Variants in L3MBTL3 observed in about 807,000 individuals in gnomAD.
L3MBTL3 encodes L3MBTL histone methyl-lysine binding protein 3.
A neutral mutation model predicts 102.3 loss-of-function variants in L3MBTL3; 27 were observed. That is an observed-to-expected ratio of 0.26 (90% CI 0.19 to 0.36). The LOEUF is 0.36. L3MBTL3 is among the 10% of genes least tolerant of loss of function. The pLI is 1.00. For synonymous variants in L3MBTL3, 340 were observed against 320.9 expected, an observed-to-expected ratio of 1.06 and a Z score of -0.64; for missense variants, 798 against 955.3, an observed-to-expected ratio of 0.84 and a Z score of 2.17.
intron 2 of L3MBTL3, among the ~76,000 whole-genome samples, chr6:130,041,051 T>C (rs1250847015): frequency 1.3e-5 from 2 of 152,214 alleles, no homozygotes; most frequent in Non-Finnish European, 2.9e-5. Flanking sequence ...AAAGAATGTG[T>C]GAGTATTTTT....
chr6:130,031,513 G>T (rs963283998), intron 2 of L3MBTL3, among the ~76,000 whole-genome samples: 2 of 152,176 alleles, frequency 1.3e-5, no homozygotes, highest in African/African-American at 4.8e-5. Flanking sequence ...AAGACGCTAG[G>T]GTATTAGACA....
At chr6:130,067,349 A>G (rs542607115) in intron 11 of L3MBTL3, among the ~76,000 whole-genome samples, 1 of 152,298 alleles carries the variant, frequency 6.6e-6, no homozygotes, top group African/African-American at 2.4e-5. Context: ...TCTGGCCTCA[A>G]GTGATCTGCC....
intron 13 of L3MBTL3, 78 bp from the exon 14 acceptor site, chr6:130,078,480 T>C: frequency 1.0e-6 from 1 of 954,026 alleles, no homozygotes; most frequent in Non-Finnish European, 1.7e-6. Flanking sequence ...GCTCATGATC[T>C]CTAGTTTTCT....
At chr6:130,072,618 C>T (rs1029388614) in intron 13 of L3MBTL3, among the ~76,000 whole-genome samples, 3 of 152,214 alleles carry the variant, frequency 2.0e-5, no homozygotes, top group African/African-American at 7.2e-5. Flanking sequence ...GCAACCTTTA[C>T]TCAGCACCAA....
intron 2 of L3MBTL3, among the ~76,000 whole-genome samples, chr6:130,034,422 G>C (rs1466579139): frequency 5.9e-5 from 9 of 152,130 alleles, no homozygotes; most frequent in Admixed American, 5.9e-4. Flanking sequence ...TTTTTTTACT[G>C]TCTGGAGTAC....
At chr6:130,108,426 GAGTTTTACC>G (rs1210198117) in intron 19 of L3MBTL3, among the ~76,000 whole-genome samples, 1 of 151,770 alleles carries the variant, frequency 6.6e-6, no homozygotes, top group Non-Finnish European at 1.5e-5. Flanking sequence ...AGTGGAGACG[GAGTTTTACC>G]ATGTTAGCCA....
intron 2 of L3MBTL3, among the ~76,000 whole-genome samples, chr6:130,040,769 A>C (rs1780368942): frequency 6.6e-6 from 1 of 152,236 alleles, no homozygotes; most frequent in South Asian, 2.1e-4. Flanking sequence ...AAAAACCAGG[A>C]GCTTGCATCC....
intron 19 of L3MBTL3, among the ~76,000 whole-genome samples, chr6:130,115,240 C>T (rs1785588773): frequency 1.3e-5 from 2 of 152,028 alleles, no homozygotes; most frequent in Admixed American, 1.3e-4. Context: ...TATTTTAAAC[C>T]AAGCCAAACT....
chr6:130,092,782 G>A lies in L3MBTL3; in HGVS notation c.1556G>A (p.Trp519Ter). 1 of 1,613,090 alleles carries A rather than the reference G, an allele frequency of 6.2e-7. No individual in the cohort carries two copies. Among genetic ancestry groups the A allele is most frequent in the Non-Finnish European group, 8.5e-7 (1 of 1,179,250 alleles). ...GGCTGGAACAATTGCTATGATTACT[G>A]GATAGATGCAGATTCTCCTGATATT... ...FDGWNNCYDY[W>*]IDADSPDIHP... Residue 519 changes from tryptophan (W) to a stop codon, truncating the protein, a stop_gained, in exon 17 of 23, where the codon TGG (tryptophan) becomes TAG (stop). Coordinates refer to ENST00000361794, the MANE Select transcript of L3MBTL3 (RefSeq NM_032438.4). LOFTEE classifies it high-confidence loss of function.
intron 3 of L3MBTL3, among the ~76,000 whole-genome samples, chr6:130,043,744 G>T (rs1474864426): frequency 6.6e-6 from 1 of 152,178 alleles, no homozygotes; most frequent in African/African-American, 2.4e-5. Flanking sequence ...TTTAGTGGCT[G>T]CTTGACAAGT....
intron 22 of L3MBTL3, chr6:130,137,987 G>A (rs980761683): frequency 3.3e-5 from 5 of 152,190 alleles, no homozygotes; most frequent in Non-Finnish European, 7.3e-5. Context: ...ACACTGGAAC[G>A]TCTTTCCTTC....
At chr6:130,130,761 A>C (rs1160832865) in intron 20 of L3MBTL3, among the ~76,000 whole-genome samples, 1 of 152,222 alleles carries the variant, frequency 6.6e-6, no homozygotes, top group Non-Finnish European at 1.5e-5. Flanking sequence ...TGAAGATTTG[A>C]AATGTTTCAT....
intron 2 of L3MBTL3, among the ~76,000 whole-genome samples, chr6:130,040,331 CAAA>C (rs200580576): frequency 4.0e-5 from 4 of 100,536 alleles, no homozygotes; most frequent in Non-Finnish European, 4.2e-5. Context: ...AACTCTGTCT[CAAA>C]AAAAAAAAAA....
chr6:130,019,916 CCCGCGCCGTG>C (rs967262413), intron 1 of L3MBTL3, among the ~76,000 whole-genome samples: 6 of 141,022 alleles, frequency 4.3e-5, no homozygotes, highest in East Asian at 2.1e-4. Flanking sequence ...CGGCGTTCGC[CCCGCGCCGTG>C]CCGCGCCGCG....
chr6:130,118,967 A>G (rs1011533729), intron 19 of L3MBTL3, among the ~76,000 whole-genome samples: 6 of 152,210 alleles, frequency 3.9e-5, no homozygotes, highest in African/African-American at 1.2e-4. Context: ...GGCATAAGAA[A>G]ACAAGGGAAC....
At chr6:130,107,128 C>T (rs1007707509) in intron 19 of L3MBTL3, among the ~76,000 whole-genome samples, 8 of 152,090 alleles carry the variant, frequency 5.3e-5, no homozygotes, top group African/African-American at 1.7e-4. Context: ...TGACTTGATA[C>T]CTCTCCCTAG....
At chr6:130,061,485 T>C (rs1158256494) in intron 10 of L3MBTL3, among the ~76,000 whole-genome samples, 4 of 152,218 alleles carry the variant, frequency 2.6e-5, no homozygotes, top group Non-Finnish European at 5.9e-5. Context: ...TTAAAGGAAC[T>C]TGTAGCTTGT....
At chr6:130,125,638 A>G (rs993225868) in intron 20 of L3MBTL3, among the ~76,000 whole-genome samples, 4 of 152,186 alleles carry the variant, frequency 2.6e-5, no homozygotes, top group African/African-American at 9.7e-5. Context: ...TCCATTCTGG[A>G]GCCCTCTAGT....
At chr6:130,125,411 T>C (rs1227054488) in intron 20 of L3MBTL3, among the ~76,000 whole-genome samples, 1 of 152,210 alleles carries the variant, frequency 6.6e-6, no homozygotes, top group Non-Finnish European at 1.5e-5. Flanking sequence ...GCTAACGTCA[T>C]GAAACTCTTC....
Sources: allele counts gnomAD v4.1 joint callset (sites outside exome capture counted in the v4.1 genomes callset), GRCh38; gene constraint gnomAD v4.1.1; transcripts MANE v1.5; gene names NCBI Gene and HGNC (gene_info 2026-07-23, HGNC 2026-07-21).